Variants in SPATA16 observed in about 807,000 individuals in gnomAD.
SPATA16 encodes spermatogenesis associated 16, also known as spermatogenesis-associated protein 16.
In SPATA16, 36 loss-of-function variants were observed where a neutral mutation model predicts 63.3. The observed-to-expected ratio is 0.57, with a 90% CI of 0.44 to 0.75. The LOEUF (loss-of-function observed/expected upper bound fraction) is 0.75. SPATA16 is among the 30% of genes least tolerant of loss of function. The pLI, the probability that SPATA16 is intolerant of heterozygous loss-of-function variation, is 0.00. For synonymous variants in SPATA16, 203 were observed against 216.7 expected, an observed-to-expected ratio of 0.94 and a Z score of 0.56; for missense variants, 646 against 679.3, an observed-to-expected ratio of 0.95 and a Z score of 0.54.
At position 173,069,112 on chromosome 3, in the gene SPATA16, G is replaced by GAAAAAAAAAAAAAAAA. The variant is rs541801266; in HGVS notation, c.613-20019_613-20018insTTTTTTTTTTTTTTTT. On this transcript the variant is annotated intron_variant, in intron 2 of 10. Transcript: ENST00000351008. Reference sequence around the variant, plus strand: ...GCAGCAGTACGAGACTCCGTCTCAAGAAAAAAAAAAAAAAGAAAGAAAGAA... The same window carrying GAAAAAAAAAAAAAAAA: ...GCAGCAGTACGAGACTCCGTCTCAAGAAAAAAAAAAAAAAAAAAAAAAAAAAAAAAGAAAGAAAGAA... Among the ~76,000 whole-genome samples, 22 of 109,150 alleles carry GAAAAAAAAAAAAAAAA rather than the reference G, an allele frequency of 2.0e-4. 1 individual carries two copies. The highest frequency in any genetic ancestry group is 8.0e-4 in the African/African-American group (22 of 27,370). The allele number at this position is 109,150 out of a possible 152,430, so 71.6% of individuals were successfully genotyped here.
chr3:172,996,818 A>C (rs1734702788), intron 4 of SPATA16, among the ~76,000 whole-genome samples: 1 of 152,060 alleles, frequency 6.6e-6, no homozygotes, highest in Non-Finnish European at 1.5e-5. Flanking sequence ...CCTCCTTCCT[A>C]AGCCCTGGCA....
chr3:173,137,397 A>C (rs1433228843), intron 1 of SPATA16, among the ~76,000 whole-genome samples: 4 of 152,198 alleles, frequency 2.6e-5, no homozygotes, highest in Non-Finnish European at 5.9e-5. Flanking sequence ...CCTGCTACTG[A>C]AAGATAAGAA....
At chr3:172,975,631 C>G (rs760928214) in intron 5 of SPATA16, among the ~76,000 whole-genome samples, 6 of 152,060 alleles carry the variant, frequency 3.9e-5, no homozygotes, top group Non-Finnish European at 8.8e-5. Flanking sequence ...TCCAGATTAT[C>G]TTAGGAAGGT....
At chr3:172,952,362 A>G (rs990762584) in intron 6 of SPATA16, among the ~76,000 whole-genome samples, 1 of 152,194 alleles carries the variant, frequency 6.6e-6, no homozygotes, top group Non-Finnish European at 1.5e-5. Flanking sequence ...AAAGAGAGAT[A>G]ACTGTTTTTT....
chr3:173,041,205 G>T (rs1348833794), intron 3 of SPATA16, among the ~76,000 whole-genome samples: 1 of 152,086 alleles, frequency 6.6e-6, no homozygotes, highest in Non-Finnish European at 1.5e-5. Flanking sequence ...GACCAACCAG[G>T]TATCTTTAAA....
intron 4 of SPATA16, among the ~76,000 whole-genome samples, chr3:172,996,262 CTTATTA>C (rs1424018860): frequency 2.6e-5 from 4 of 152,006 alleles, no homozygotes; most frequent in Admixed American, 6.6e-5. Context: ...TACTTAATCA[CTTATTA>C]TTATTACCAA....
chr3:172,948,930 T>G (rs1733361862), intron 6 of SPATA16, among the ~76,000 whole-genome samples: 1 of 152,200 alleles, frequency 6.6e-6, no homozygotes, highest in Admixed American at 6.5e-5. Context: ...CTCTATGATT[T>G]CAGGTTTATA....
chr3:173,106,516 C>T (rs1737625667), intron 2 of SPATA16, among the ~76,000 whole-genome samples: 1 of 152,146 alleles, frequency 6.6e-6, no homozygotes, highest in South Asian at 2.1e-4. Context: ...AATGTAGTAA[C>T]TACTCAATAA....
chr3:172,934,605 C>A (rs1053774497), intron 6 of SPATA16, among the ~76,000 whole-genome samples: 1 of 152,032 alleles, frequency 6.6e-6, no homozygotes, highest in Non-Finnish European at 1.5e-5. Flanking sequence ...AGTACTATAA[C>A]TTTTCATGTA....
chr3:173,003,373 A>G (rs1734869271), intron 4 of SPATA16, among the ~76,000 whole-genome samples: 1 of 152,218 alleles, frequency 6.6e-6, no homozygotes, highest in South Asian at 2.1e-4. Flanking sequence ...ACCATTTCAA[A>G]CTCGATGAAA....
intron 1 of SPATA16, among the ~76,000 whole-genome samples, chr3:173,124,908 G>A (rs1378186858): frequency 1.3e-5 from 2 of 151,776 alleles, no homozygotes; most frequent in African/African-American, 4.8e-5. Flanking sequence ...CCAGTTCTAT[G>A]GCTTCAAATA....
intron 2 of SPATA16, among the ~76,000 whole-genome samples, chr3:173,073,591 G>C (rs1282329079): frequency 6.6e-6 from 1 of 152,244 alleles, no homozygotes; most frequent in Non-Finnish European, 1.5e-5. Context: ...GTCAAGAATT[G>C]AGGTTTGGGG....
intron 2 of SPATA16, among the ~76,000 whole-genome samples, chr3:173,112,263 A>G (rs1737767565): frequency 6.6e-6 from 1 of 152,246 alleles, no homozygotes; most frequent in Non-Finnish European, 1.5e-5. Context: ...TTAAATTATA[A>G]AATGTAGGGG....
intron 2 of SPATA16, among the ~76,000 whole-genome samples, chr3:173,101,270 A>G (rs1042988653): frequency 5.3e-5 from 8 of 151,874 alleles, no homozygotes; most frequent in African/African-American, 1.7e-4. Context: ...TGAATGAGAC[A>G]CTCCAAAAGC....
chr3:172,889,717 A>C, intron 10 of SPATA16, 25 bp from the exon 11 acceptor site: 1 of 1,610,926 alleles, frequency 6.2e-7, no homozygotes, highest in Non-Finnish European at 8.5e-7. Flanking sequence ...CAGATGCAAC[A>C]AGATTTGTTG....
intron 4 of SPATA16, among the ~76,000 whole-genome samples, chr3:172,987,894 G>A (rs1734491441): frequency 1.3e-5 from 2 of 152,156 alleles, no homozygotes; most frequent in Admixed American, 6.5e-5. Context: ...AGCAAGTCAA[G>A]GGGTGTGCTT....
At chr3:172,999,865 AT>A (rs1032246481) in intron 4 of SPATA16, among the ~76,000 whole-genome samples, 7 of 152,036 alleles carry the variant, frequency 4.6e-5, no homozygotes, top group Non-Finnish European at 1.0e-4. Flanking sequence ...AATGTTACTG[AT>A]TTTCTCTATT....
intron 5 of SPATA16, among the ~76,000 whole-genome samples, chr3:172,964,082 A>G (rs762061227): frequency 2.0e-5 from 3 of 152,206 alleles, no homozygotes; most frequent in Non-Finnish European, 4.4e-5. Context: ...GATCCTCTTT[A>G]TAACAATTCT....
chr3:173,086,542 T>A (rs934458112), intron 2 of SPATA16, among the ~76,000 whole-genome samples: 5 of 152,150 alleles, frequency 3.3e-5, no homozygotes, highest in African/African-American at 1.2e-4. Context: ...ATCCTTCAGT[T>A]CTGCTCTGAT....
Sources: allele counts gnomAD v4.1 joint callset (sites outside exome capture counted in the v4.1 genomes callset), GRCh38; gene constraint gnomAD v4.1.1; transcripts MANE v1.5; gene names NCBI Gene and HGNC (gene_info 2026-07-23, HGNC 2026-07-21).